The following TLK1 variants were observed in gnomAD, a reference collection of about 807,000 sequenced individuals.
TLK1 encodes tousled like kinase 1, also known as serine/threonine-protein kinase tousled-like 1.
Under a neutral mutation model 105.3 loss-of-function variants are expected in TLK1, and 24 were observed. That is an observed-to-expected ratio of 0.23 (90% CI 0.17 to 0.32). The LOEUF (loss-of-function observed/expected upper bound fraction) is 0.32, where lower values mean the gene tolerates loss of function less well. Among genes scored for constraint, TLK1 ranks in the 10% least tolerant of loss-of-function variants. The probability of loss-of-function intolerance (pLI) is 1.00; values close to 1 mark genes in which losing one functional copy is unlikely to be tolerated. For missense variants in TLK1, 558 were observed against 910.5 expected (o/e 0.61, Z 4.98); for synonymous variants, 321 against 310.4 (o/e 1.03, Z -0.36).
intron 12 of TLK1, chr2:171,023,245 T>C (rs1461194395): frequency 1.9e-5 from 9 of 464,032 alleles, no homozygotes; most frequent in East Asian, 6.9e-5. Flanking sequence ...TTAGTAGAGA[T>C]TGAGATGACT....
At chr2:171,192,876 A>G (rs1693182365) in intron 1 of TLK1, among the ~76,000 whole-genome samples, 2 of 152,194 alleles carry the variant, frequency 1.3e-5, no homozygotes, top group Non-Finnish European at 2.9e-5. Context: ...CCTGTTCACA[A>G]GAGAGGATTA....
chr2:171,108,079 AC>A (rs67434167), intron 2 of TLK1, among the ~76,000 whole-genome samples: 54,899 of 145,112 alleles, frequency 0.38, 11,574 homozygotes, highest in African/African-American at 0.56. Flanking sequence ...AACAACAACA[AC>A]AACAACAAAA....
At chr2:171,187,057 C>CAAAAAAAAAAAAAAAAAAAAAAAAA (rs71013019) in intron 1 of TLK1, among the ~76,000 whole-genome samples, 13 of 34,052 alleles carry the variant, frequency 3.8e-4, no homozygotes, top group Middle Eastern at 0.028. Context: ...GACTCTGTCT[C>CAAAAAAAAAAAAAAAAAAAAAAAAA]AAAAAAAAAA....
chr2:170,999,395 A>G (rs1421488284), intron 18 of TLK1, among the ~76,000 whole-genome samples: 1 of 152,242 alleles, frequency 6.6e-6, no homozygotes, highest in Non-Finnish European at 1.5e-5. Context: ...TTTGTCAATA[A>G]AAGTGTGTAT....
chr2:171,034,640 C>G (rs1686230819), intron 11 of TLK1, among the ~76,000 whole-genome samples: 1 of 152,096 alleles, frequency 6.6e-6, no homozygotes, highest in African/African-American at 2.4e-5. Flanking sequence ...GTTAAGGAAA[C>G]AGTTTTGAAA....
In TLK1 at chr2:171,100,968, A is replaced by G. The variant is rs571938203; in HGVS notation, c.258+16771T>C. Among the ~76,000 whole-genome samples, 7 of 152,376 alleles carry G rather than the reference A, an allele frequency of 4.6e-5. 2 individuals carry two copies. Among genetic ancestry groups the G allele is most frequent in the African/African-American group, 1.7e-4 (7 of 41,596 alleles). ...AACAAACAAAATGTGGCACATCCAT[A>G]TAATGGAACAGTCTGTCATATAATG... On this transcript the variant is annotated intron_variant, in intron 2 of 20. Transcript: ENST00000431350.
At chr2:171,066,984 A>C in intron 3 of TLK1, 1 of 1,524,998 alleles carries the variant, frequency 6.6e-7, no homozygotes, top group Non-Finnish European at 8.8e-7. Context: ...AGTCAAATTC[A>C]GAGCTGTGGT....
chr2:171,005,338 T>C (rs1684595601), intron 18 of TLK1, among the ~76,000 whole-genome samples: 1 of 152,266 alleles, frequency 6.6e-6, no homozygotes, highest in Admixed American at 6.5e-5. Flanking sequence ...TCTGTGATTA[T>C]ATCTAAATTT....
chr2:171,065,040 A>G (rs1687924530), intron 3 of TLK1, among the ~76,000 whole-genome samples: 1 of 152,166 alleles, frequency 6.6e-6, no homozygotes, highest in Non-Finnish European at 1.5e-5. Flanking sequence ...AATAAAATAT[A>G]AAGGAGTCTT....
At chr2:171,119,661 A>G (rs761967704) in intron 1 of TLK1, among the ~76,000 whole-genome samples, 1 of 152,350 alleles carries the variant, frequency 6.6e-6, no homozygotes, top group South Asian at 2.1e-4. Context: ...CAGGGAGACC[A>G]GAAAATAAAC....
Position 171,049,724 on chromosome 2 carries a change from C to T in TLK1, c.980+90G>A. ...TCTATGATTTCAGAGTAGCGAGGAA[C>T]TGGAGAGCATAATTACAAATCTATA... On this transcript the variant is annotated intron_variant, in intron 10 of 20. Transcript: ENST00000431350. 2 of 1,496,208 alleles carry T rather than the reference C, an allele frequency of 1.3e-6. 1 individual carries two copies. The allele number at this position is 1,496,208 out of a possible 1,614,324, so 92.7% of individuals were successfully genotyped here.
chr2:171,080,836 T>C (rs1688719507), intron 3 of TLK1, among the ~76,000 whole-genome samples: 1 of 151,622 alleles, frequency 6.6e-6, no homozygotes, highest in African/African-American at 2.4e-5. Context: ...GCCTCTCGAG[T>C]AGATGGGACT....
chr2:171,167,590 T>C (rs1390745969), intron 1 of TLK1, among the ~76,000 whole-genome samples: 2 of 152,188 alleles, frequency 1.3e-5, no homozygotes, highest in Non-Finnish European at 2.9e-5. Context: ...AGCTTTTGTA[T>C]ATAATAGGCT....
chr2:171,066,772 G>T, intron 3 of TLK1: 2 of 1,480,302 alleles, frequency 1.4e-6, no homozygotes, highest in Non-Finnish European at 1.8e-6. Context: ...TCCCTTTAAG[G>T]CTTTATTTGT....
At chr2:171,116,557 A>T (rs1019590699) in intron 2 of TLK1, among the ~76,000 whole-genome samples, 1 of 151,988 alleles carries the variant, frequency 6.6e-6, no homozygotes, top group Non-Finnish European at 1.5e-5. Context: ...AAAATTAGCC[A>T]GGCATGGTGG....
intron 1 of TLK1, among the ~76,000 whole-genome samples, chr2:171,143,977 G>A (rs950883918): frequency 7.9e-5 from 12 of 152,034 alleles, no homozygotes; most frequent in African/African-American, 1.7e-4. Context: ...AAATACAAAC[G>A]GGACAGGATA....
intron 19 of TLK1, 84 bp downstream of exon 19, chr2:170,997,626 TAA>T (rs1684127480): frequency 1.4e-6 from 1 of 715,250 alleles, no homozygotes; most frequent in South Asian, 3.2e-5. Flanking sequence ...AAATTGACTT[TAA>T]GTTAGTGAAA....
intron 3 of TLK1, chr2:171,066,774 T>C: frequency 6.7e-7 from 1 of 1,497,542 alleles, no homozygotes; most frequent in Non-Finnish European, 9.0e-7. Flanking sequence ...CCTTTAAGGC[T>C]TTATTTGTTA....
At chr2:171,224,905 A>G (rs946901614) in intron 1 of TLK1, among the ~76,000 whole-genome samples, 1 of 152,208 alleles carries the variant, frequency 6.6e-6, no homozygotes, top group African/African-American at 2.4e-5. Flanking sequence ...AAATCCTCAC[A>G]TTTACAGTTA....
Sources: gnomAD v4.1 joint callset for allele counts (sites outside exome capture counted in the v4.1 genomes callset) on GRCh38, gnomAD v4.1.1 for gene constraint, MANE v1.5 for transcripts, NCBI Gene and HGNC (gene_info 2026-07-23, HGNC 2026-07-21) for gene names.